Variants in SEPTIN2 observed in about 807,000 individuals in gnomAD.
SEPTIN2 encodes the protein septin-2.
Under a neutral mutation model 46.5 loss-of-function variants are expected in SEPTIN2, and 34 were observed. That is an observed-to-expected ratio of 0.73 (90% CI 0.56 to 0.97). The LOEUF (loss-of-function observed/expected upper bound fraction) is 0.97. Among genes scored for constraint, SEPTIN2 ranks in the 50% least tolerant of loss-of-function variants. The pLI is 0.00. For missense variants in SEPTIN2, 347 were observed against 448.4 expected (o/e 0.77, Z 2.04); for synonymous variants, 175 against 153.4 (o/e 1.14, Z -1.04).
chr2:241,338,941 T>A (rs1475119368), intron 7 of SEPTIN2, among the ~76,000 whole-genome samples: 2 of 97,736 alleles, frequency 2.0e-5, no homozygotes, highest in Non-Finnish European at 3.8e-5. Flanking sequence ...ATTTATTATA[T>A]ATATTATATA....
chr2:241,328,067 G>A (rs909044367), intron 3 of SEPTIN2, among the ~76,000 whole-genome samples: 1 of 152,098 alleles, frequency 6.6e-6, no homozygotes, highest in Non-Finnish European at 1.5e-5. Context: ...AAAGAAAAAA[G>A]TAGCCAGAAC....
At chr2:241,341,171 A>T (rs779145409) in intron 7 of SEPTIN2, among the ~76,000 whole-genome samples, 13 of 152,052 alleles carry the variant, frequency 8.5e-5, no homozygotes, top group Non-Finnish European at 1.8e-4. Context: ...TTTTGATCAC[A>T]TTATTTCTGT....
At chr2:241,335,295 C>T (rs2079760062) in intron 4 of SEPTIN2, 83 bp downstream of exon 4, 2 of 1,567,986 alleles carry the variant, frequency 1.3e-6, no homozygotes, top group African/African-American at 1.4e-5. Flanking sequence ...TATGTCTTAG[C>T]TGTGTGTTTT....
At chr2:241,329,008 G>C (rs1035279314) in intron 3 of SEPTIN2, among the ~76,000 whole-genome samples, 3 of 152,008 alleles carry the variant, frequency 2.0e-5, no homozygotes, top group Non-Finnish European at 4.4e-5. Context: ...CAACAAGAGT[G>C]AAACTCCATC....
intron 11 of SEPTIN2, among the ~76,000 whole-genome samples, chr2:241,348,718 A>T (rs1439316594): frequency 6.6e-6 from 1 of 152,146 alleles, no homozygotes; most frequent in East Asian, 1.9e-4. Flanking sequence ...ATGATGCTTC[A>T]TATATTTAGC....
intron 1 of SEPTIN2, among the ~76,000 whole-genome samples, chr2:241,318,942 C>T (rs1290904813): frequency 3.3e-5 from 5 of 152,026 alleles, no homozygotes; most frequent in Non-Finnish European, 7.4e-5. Flanking sequence ...GTGATATGCC[C>T]GTCTTGGCCT....
rs149584888 is a variant in SEPTIN2, at chr2:241,320,783, C to T, written c.-17-3433C>T. Reference sequence around the variant, plus strand: ...CAGCCTGGGCAACAAGAGCAAAACTCCATCTCAAAAAACAAAAAGAAAACC... The same window carrying T: ...CAGCCTGGGCAACAAGAGCAAAACTTCATCTCAAAAAACAAAAAGAAAACC... On this transcript the variant is annotated intron_variant, in intron 1 of 12. Transcript: ENST00000391971. Among the ~76,000 whole-genome samples, 24 of 152,158 alleles carry T rather than the reference C, an allele frequency of 1.6e-4. No homozygotes were observed. The East Asian group carries it at 4.2e-3, about 27-fold the overall frequency.
intron 1 of SEPTIN2, among the ~76,000 whole-genome samples, chr2:241,319,006 A>G (rs1227112144): frequency 4.6e-5 from 7 of 151,848 alleles, no homozygotes; most frequent in Non-Finnish European, 8.8e-5. Context: ...GAGTATTTGT[A>G]TTTTCTGTGT....
Position 241,326,007 on chromosome 2 carries a change from G to C in SEPTIN2, c.24G>C (p.Gln8His). Reference sequence around the variant, plus strand: ...ATCTTATTTAGCAACAGCCAACTCAGTTTATAAATCCAGAAACACCTGGCT... The same window carrying C: ...ATCTTATTTAGCAACAGCCAACTCACTTTATAAATCCAGAAACACCTGGCT... MSKQQPTQFINPETPGYV... is the reference protein window; with the variant it reads MSKQQPTHFINPETPGYV... The change falls in exon 3 of 13, where the codon CAG becomes CAC. Residue 8 changes from glutamine to histidine, a missense_variant. Coordinates refer to ENST00000391971, the MANE Select transcript of SEPTIN2 (RefSeq NM_004404.5). 6.2e-7 allele frequency: 1 copy of C among 1,612,894 alleles called. No individual in the cohort carries two copies. The highest frequency in any genetic ancestry group is 8.5e-7 in the Non-Finnish European group (1 of 1,179,504).
chr2:241,340,070 T>A (rs2081050711), intron 7 of SEPTIN2, among the ~76,000 whole-genome samples: 4 of 152,244 alleles, frequency 2.6e-5, no homozygotes, highest in African/African-American at 9.6e-5. Flanking sequence ...TACATTTAAA[T>A]TTTTGAAGGA....
chr2:241,343,811 G>C lies in SEPTIN2; in HGVS notation c.756G>C (p.Lys252Asn). The change falls in exon 9 of 13, where the codon AAG (lysine) becomes AAC (asparagine). Residue 252 changes from lysine (K) to asparagine (N), a missense_variant. Physicochemically the swap from Lys to Asn is moderately conservative, Grantham distance 94 (BLOSUM62 0). Coordinates refer to ENST00000391971, the MANE Select transcript of SEPTIN2 (RefSeq NM_004404.5). Reference sequence around the variant, plus strand: ...AGTTGATTGAAGCCAAAGGAAAGAAGGTCAGAGGCCGCCTCTACCCCTGGG... The same window carrying C: ...AGTTGATTGAAGCCAAAGGAAAGAACGTCAGAGGCCGCCTCTACCCCTGGG... Reference protein sequence around the residue: ...SNQLIEAKGKKVRGRLYPWGV... With the variant: ...SNQLIEAKGKNVRGRLYPWGV... The C allele has an allele frequency of 6.2e-7, 1 of 1,614,204 alleles. No homozygotes were observed. Among genetic ancestry groups the C allele is most frequent in the South Asian group, 1.1e-5 (1 of 91,088 alleles).
intron 3 of SEPTIN2, among the ~76,000 whole-genome samples, chr2:241,334,690 C>T (rs1188402641): frequency 1.3e-5 from 2 of 152,180 alleles, no homozygotes; most frequent in African/African-American, 2.4e-5. Flanking sequence ...GCTCGGGAAG[C>T]ACAAGGGTTG....
At chr2:241,331,177 T>A (rs981016244) in intron 3 of SEPTIN2, among the ~76,000 whole-genome samples, 1 of 151,700 alleles carries the variant, frequency 6.6e-6, no homozygotes, top group Non-Finnish European at 1.5e-5. Flanking sequence ...AGACTCCGTC[T>A]CAAAAAAAAC....
intron 1 of SEPTIN2, chr2:241,317,723 C>T: frequency 5.4e-6 from 1 of 185,184 alleles, no homozygotes; most frequent in Non-Finnish European, 1.0e-5. Flanking sequence ...CCAAAGAATC[C>T]AGATGCTTTG....
chr2:241,316,319 G>A, intron 1 of SEPTIN2: 1 of 430,304 alleles, frequency 2.3e-6, no homozygotes. Flanking sequence ...GGTCGAGGTC[G>A]GGAGGTTTGG....
intron 3 of SEPTIN2, among the ~76,000 whole-genome samples, chr2:241,332,683 T>TA (rs2079188213): frequency 6.6e-6 from 1 of 152,250 alleles, no homozygotes; most frequent in Admixed American, 6.5e-5. Flanking sequence ...TGAATATTCA[T>TA]AGCTACTTTT....
chr2:241,343,156 TGA>T, intron 8 of SEPTIN2, 63 bp downstream of exon 8: 1 of 926,760 alleles, frequency 1.1e-6, no homozygotes, highest in Admixed American at 2.0e-5. Context: ...CATGTTGAGG[TGA>T]GAGAGATTGC....
At chr2:241,319,480 G>A (rs1167528784) in intron 1 of SEPTIN2, among the ~76,000 whole-genome samples, 1 of 152,170 alleles carries the variant, frequency 6.6e-6, no homozygotes, top group Non-Finnish European at 1.5e-5. Flanking sequence ...ATTATGGAAG[G>A]GCATTCCTGC....
At chr2:241,347,785 C>A (rs2060397869) in intron 10 of SEPTIN2, among the ~76,000 whole-genome samples, 1 of 152,060 alleles carries the variant, frequency 6.6e-6, no homozygotes, top group South Asian at 2.1e-4. Flanking sequence ...CTTTGGGAGG[C>A]CAAGGTGGGC....
Sources: gnomAD v4.1 joint callset for allele counts (sites outside exome capture counted in the v4.1 genomes callset) on GRCh38, gnomAD v4.1.1 for gene constraint, MANE v1.5 for transcripts, NCBI Gene and HGNC (gene_info 2026-07-23, HGNC 2026-07-21) for gene names.